The following CNTNAP2 variants were observed in gnomAD, a reference collection of about 807,000 sequenced individuals.
CNTNAP2 encodes the protein contactin-associated protein-like 2.
CNTNAP2 carries 98 observed loss-of-function variants against 155.2 expected under a neutral mutation model. The ratio of observed to expected loss-of-function variants is 0.63; its 90% CI spans 0.54 to 0.75. The LOEUF (loss-of-function observed/expected upper bound fraction) is 0.75. CNTNAP2 is among the 30% of genes least tolerant of loss of function. The pLI, the probability that CNTNAP2 is intolerant of heterozygous loss-of-function variation, is 0.00. For missense variants in CNTNAP2, 1,727 were observed against 1,688.1 expected (o/e 1.02, Z -0.40); for synonymous variants, 651 against 631.2 (o/e 1.03, Z -0.47).
In CNTNAP2 at chr7:147,781,123, G is replaced by A. The variant is rs138468616; in HGVS notation, c.2099-122442G>A. Among the ~76,000 whole-genome samples the A allele has an allele frequency of 3.3e-3, 500 of 152,286 alleles. 6 individuals are homozygous for A. Among genetic ancestry groups the A allele is most frequent in the African/African-American group, 0.011 (471 of 41,568 alleles). On this transcript the variant is annotated intron_variant, in intron 13 of 23. Coordinates refer to ENST00000361727, the MANE Select transcript of CNTNAP2 (RefSeq NM_014141.6). The stretch of plus-strand genomic sequence containing the variant: ...TCTTTTGCCAAGATAATGGCAAAAA[G>A]GAAATAATGAAAATGACATATTTTT...
intron 1 of CNTNAP2, among the ~76,000 whole-genome samples, chr7:146,282,558 A>G (rs1390610658): frequency 6.6e-6 from 1 of 152,228 alleles, no homozygotes; most frequent in African/African-American, 2.4e-5. Context: ...GATATTAATG[A>G]AGTTTTAAAA....
chr7:147,660,811 A>G (rs146869965), intron 13 of CNTNAP2, among the ~76,000 whole-genome samples: 57 of 152,346 alleles, frequency 3.7e-4, no homozygotes, highest in African/African-American at 1.3e-3. Flanking sequence ...GTAAGATGGT[A>G]GGAGACTGGT....
At chr7:147,858,524 A>T (rs1799081929) in intron 13 of CNTNAP2, among the ~76,000 whole-genome samples, 2 of 152,250 alleles carry the variant, frequency 1.3e-5, no homozygotes, top group Non-Finnish European at 2.9e-5. Context: ...CCTGGTATGT[A>T]GATTGAATTG....
chr7:148,069,773 A>AG (rs1563188653), intron 15 of CNTNAP2, among the ~76,000 whole-genome samples: 2 of 151,844 alleles, frequency 1.3e-5, no homozygotes, highest in African/African-American at 4.8e-5. Flanking sequence ...AAAAAAAAAA[A>AG]AAAGAAAGAA....
intron 15 of CNTNAP2, among the ~76,000 whole-genome samples, chr7:148,038,046 A>T (rs1802603295): frequency 6.6e-6 from 1 of 152,250 alleles, no homozygotes; most frequent in Non-Finnish European, 1.5e-5. Flanking sequence ...GGACTTCAGT[A>T]TGTAATTAGG....
chr7:148,299,866 A>G, intron 21 of CNTNAP2, among the ~76,000 whole-genome samples: 1 of 152,206 alleles, frequency 6.6e-6, no homozygotes, highest in Non-Finnish European at 1.5e-5. Context: ...TCTCTTAACT[A>G]AGAAAAGAGA....
intron 10 of CNTNAP2, among the ~76,000 whole-genome samples, chr7:147,480,018 C>A (rs949900244): frequency 6.6e-6 from 1 of 151,922 alleles, no homozygotes; most frequent in Non-Finnish European, 1.5e-5. Context: ...AAATCAAAAT[C>A]TAGTTAGTAT....
chr7:148,321,031 C>T (rs953383749), intron 21 of CNTNAP2, among the ~76,000 whole-genome samples: 4 of 152,054 alleles, frequency 2.6e-5, no homozygotes, highest in South Asian at 4.2e-4. Context: ...ATGAGAGGAG[C>T]GCCTGGCCAG....
At chr7:146,677,352 G>A (rs981035887) in intron 1 of CNTNAP2, among the ~76,000 whole-genome samples, 4 of 152,144 alleles carry the variant, frequency 2.6e-5, no homozygotes, top group African/African-American at 9.7e-5. Flanking sequence ...GTTTGATCAT[G>A]CAGACAAAAC....
chr7:148,326,738 A>G (rs369438610), intron 21 of CNTNAP2, among the ~76,000 whole-genome samples: 6 of 152,000 alleles, frequency 3.9e-5, no homozygotes, highest in South Asian at 4.2e-4. Flanking sequence ...GGTGGTGGGC[A>G]CCTGTAGTCC....
chr7:148,078,834 A>G (rs1368268340), intron 15 of CNTNAP2, among the ~76,000 whole-genome samples: 2 of 152,240 alleles, frequency 1.3e-5, no homozygotes, highest in Non-Finnish European at 2.9e-5. Context: ...AAAAAATTAC[A>G]TATTTTTAAA....
At chr7:146,154,322 A>G (rs1357685466) in intron 1 of CNTNAP2, among the ~76,000 whole-genome samples, 1 of 152,134 alleles carries the variant, frequency 6.6e-6, no homozygotes, top group Admixed American at 6.6e-5. Flanking sequence ...GTTGTTTTTC[A>G]GTTTTATGCA....
intron 11 of CNTNAP2, among the ~76,000 whole-genome samples, chr7:147,505,960 G>A (rs1421690529): frequency 6.6e-6 from 1 of 152,208 alleles, no homozygotes; most frequent in Non-Finnish European, 1.5e-5. Flanking sequence ...TCAAGAAGGA[G>A]TCTCTTAAGA....
chr7:147,736,120 T>C (rs548159735), intron 13 of CNTNAP2, among the ~76,000 whole-genome samples: 97 of 151,776 alleles, frequency 6.4e-4, no homozygotes, highest in African/African-American at 2.1e-3. Context: ...CTAGCCTTGA[T>C]GGTCTTTACA....
chr7:147,948,246 G>A (rs1800855106), intron 14 of CNTNAP2, among the ~76,000 whole-genome samples: 1 of 151,986 alleles, frequency 6.6e-6, no homozygotes, highest in Admixed American at 6.6e-5. Context: ...CTATTTGATA[G>A]CACAACAGAG....
intron 1 of CNTNAP2, among the ~76,000 whole-genome samples, chr7:146,662,258 C>T (rs1488257617): frequency 6.6e-6 from 1 of 152,136 alleles, no homozygotes; most frequent in Non-Finnish European, 1.5e-5. Flanking sequence ...TTGCCTTCGC[C>T]ACCCGAGTAG....
At chr7:147,508,956 A>G (rs1327886890) in intron 11 of CNTNAP2, among the ~76,000 whole-genome samples, 2 of 152,218 alleles carry the variant, frequency 1.3e-5, no homozygotes, top group African/African-American at 2.4e-5. Context: ...AAACCCTTTA[A>G]TAAATCTCCA....
At chr7:146,160,229 A>G (rs1798196605) in intron 1 of CNTNAP2, among the ~76,000 whole-genome samples, 1 of 152,214 alleles carries the variant, frequency 6.6e-6, no homozygotes, top group Non-Finnish European at 1.5e-5. Context: ...AAGTGCCCAC[A>G]AGAGAAAGCA....
chr7:147,008,269 G>C (rs949612817), intron 3 of CNTNAP2, among the ~76,000 whole-genome samples: 4 of 152,056 alleles, frequency 2.6e-5, no homozygotes, highest in African/African-American at 9.7e-5. Flanking sequence ...ATGAGAACCA[G>C]CTGGTTCTAA....
Sources: gnomAD v4.1 joint callset for allele counts (sites outside exome capture counted in the v4.1 genomes callset) on GRCh38, gnomAD v4.1.1 for gene constraint, MANE v1.5 for transcripts, NCBI Gene and HGNC (gene_info 2026-07-23, HGNC 2026-07-21) for gene names.